The following DNAJB6 variants were observed in gnomAD, a reference collection of about 807,000 sequenced individuals.
The protein encoded by DNAJB6 is dnaJ homolog subfamily B member 6.
Under a neutral mutation model 42.7 loss-of-function variants are expected in DNAJB6, and 16 were observed. The ratio of observed to expected loss-of-function variants is 0.37; its 90% CI spans 0.25 to 0.57. The LOEUF (loss-of-function observed/expected upper bound fraction) is 0.57, where lower values mean the gene tolerates loss of function less well. Among genes scored for constraint, DNAJB6 ranks in the 20% least tolerant of loss-of-function variants. The pLI is 0.74. For missense variants in DNAJB6, 347 were observed against 416.8 expected (o/e 0.83, Z 1.46); for synonymous variants, 170 against 163.5 (o/e 1.04, Z -0.30).
In DNAJB6 at chr7:157,416,075, A is replaced by T. The variant is rs759872211; in HGVS notation, c.958A>T (p.Lys320Ter). 6.2e-7 allele frequency: 1 copy of T among 1,614,084 alleles called. No homozygotes were observed. The highest frequency in any genetic ancestry group is 8.5e-7 in the Non-Finnish European group (1 of 1,179,968). The change falls in exon 10 of 10, where the codon AAG becomes TAG. Residue 320 changes from lysine to a stop codon, truncating the protein, a stop_gained. Transcript: ENST00000262177. LOFTEE classifies it high-confidence loss of function. ...GCAGAGAGAGGAGTCGAAGAAGAAG[A>T]AGTCGACCAAAGGCAATCACTAGAC... Reference protein sequence around the residue: ...QKQREESKKKKSTKGNH With the variant: ...QKQREESKKK
At chr7:157,338,914 A>G (rs536206987) in intron 1 of DNAJB6, among the ~76,000 whole-genome samples, 2 of 152,290 alleles carry the variant, frequency 1.3e-5, no homozygotes, top group Admixed American at 6.5e-5. Context: ...GAAAGTTGGG[A>G]ATTCCAGAGG....
intron 8 of DNAJB6, among the ~76,000 whole-genome samples, chr7:157,388,282 G>T (rs1012414730): frequency 1.3e-5 from 2 of 152,208 alleles, no homozygotes; most frequent in Non-Finnish European, 2.9e-5. Flanking sequence ...TATTCCTAGA[G>T]AATTCAGTCT....
chr7:157,341,013 G>A (rs1006326632), intron 1 of DNAJB6, among the ~76,000 whole-genome samples: 1 of 90,716 alleles, frequency 1.1e-5, no homozygotes, highest in East Asian at 3.8e-4. Context: ...CGCGCAGGTG[G>A]AATCACCCTG....
chr7:157,345,269 C>G (rs1021875504), intron 1 of DNAJB6, among the ~76,000 whole-genome samples: 6 of 152,186 alleles, frequency 3.9e-5, no homozygotes, highest in African/African-American at 7.2e-5. Context: ...GCTGGGATTA[C>G]AGGCGTGAGC....
intron 8 of DNAJB6, among the ~76,000 whole-genome samples, chr7:157,395,248 G>A (rs1801529354): frequency 1.3e-5 from 2 of 152,234 alleles, no homozygotes; most frequent in African/African-American, 4.8e-5. Context: ...TTGGTGCTGG[G>A]CACATCTGGC....
At position 157,352,435 on chromosome 7, in the gene DNAJB6, A is replaced by T. The variant is rs181961246; in HGVS notation, c.-26-6112A>T. On this transcript the variant is annotated intron_variant, in intron 1 of 9. Transcript: ENST00000262177. ...TATTTAATCATGCAGTGTGTATTTG[A>T]TGGTGGATTACTCTCTGAATATTTA... Among the ~76,000 whole-genome samples the T allele has an allele frequency of 6.0e-3, 914 of 151,706 alleles. 9 individuals are homozygous for T. The highest frequency in any genetic ancestry group is 0.021 in the African/African-American group (873 of 41,306).
intron 8 of DNAJB6, among the ~76,000 whole-genome samples, chr7:157,403,542 C>A (rs185126004): frequency 6.8e-4 from 104 of 152,318 alleles, no homozygotes; most frequent in Middle Eastern, 3.4e-3. Flanking sequence ...TCTCAGCTCG[C>A]AGCAACCTTT....
chr7:157,339,904 G>A (rs1311212377), intron 1 of DNAJB6: 2 of 152,244 alleles, frequency 1.3e-5, no homozygotes, highest in African/African-American at 2.4e-5. Context: ...TGGATTACAG[G>A]TGTGAGCCCG....
intron 8 of DNAJB6, among the ~76,000 whole-genome samples, chr7:157,403,369 A>G (rs1046579247): frequency 1.3e-5 from 2 of 152,228 alleles, no homozygotes; most frequent in Non-Finnish European, 2.9e-5. Flanking sequence ...GTCCACTGAC[A>G]TTGCCAGGGT....
intron 5 of DNAJB6, chr7:157,369,497 A>G: frequency 2.2e-6 from 1 of 445,492 alleles, no homozygotes; most frequent in South Asian, 1.6e-5. Context: ...TGTCCTCGTG[A>G]TGTCTGAGAC....
At chr7:157,386,275 A>T (rs1310845582) in intron 8 of DNAJB6, 2 of 983,418 alleles carry the variant, frequency 2.0e-6, no homozygotes, top group African/African-American at 3.6e-5. Flanking sequence ...AAAAAAAAAA[A>T]GAAAATAAAT....
intron 5 of DNAJB6, among the ~76,000 whole-genome samples, chr7:157,376,873 C>A (rs1203992776): frequency 6.6e-6 from 1 of 152,184 alleles, no homozygotes; most frequent in African/African-American, 2.4e-5. Flanking sequence ...GAGCAAGACT[C>A]CGTCTTGGGA....
intron 1 of DNAJB6, among the ~76,000 whole-genome samples, chr7:157,352,530 C>G (rs535549234): frequency 6.3e-4 from 95 of 151,960 alleles, no homozygotes; most frequent in African/African-American, 2.3e-3. Flanking sequence ...TTTGACTATT[C>G]CTGCTGGCTC....
At chr7:157,343,020 C>G (rs1798492883) in intron 1 of DNAJB6, among the ~76,000 whole-genome samples, 1 of 149,178 alleles carries the variant, frequency 6.7e-6, no homozygotes, top group Non-Finnish European at 1.5e-5. Flanking sequence ...GAGACCAAGT[C>G]TCACTCTGTC....
chr7:157,358,453 A>G, intron 1 of DNAJB6, 94 bp from the exon 2 acceptor site: 1 of 762,574 alleles, frequency 1.3e-6, no homozygotes, highest in Non-Finnish European at 2.3e-6. Flanking sequence ...TGCTAAGGTG[A>G]CACCACCCCT....
chr7:157,379,057 GAAAT>G (rs1800618884), intron 5 of DNAJB6: 1 of 152,130 alleles, frequency 6.6e-6, no homozygotes, highest in African/African-American at 2.4e-5. Context: ...TGTCAGTAGA[GAAAT>G]AAACAAGATA....
At chr7:157,405,776 C>T (rs1004231027) in intron 8 of DNAJB6, among the ~76,000 whole-genome samples, 2 of 152,352 alleles carry the variant, frequency 1.3e-5, no homozygotes, top group East Asian at 3.9e-4. Context: ...GACCGGGAGG[C>T]CGAGTCCGAG....
intron 1 of DNAJB6, among the ~76,000 whole-genome samples, chr7:157,350,987 T>A (rs1255538204): frequency 6.6e-6 from 1 of 151,488 alleles, no homozygotes; most frequent in East Asian, 1.9e-4. Context: ...CAGGCTGGAG[T>A]GCGATGGTGC....
At chr7:157,355,887 T>A (rs140796916) in intron 1 of DNAJB6, among the ~76,000 whole-genome samples, 2 of 152,210 alleles carry the variant, frequency 1.3e-5, no homozygotes, top group African/African-American at 4.8e-5. Flanking sequence ...GGTGGTGAAG[T>A]AAATCACAGC....
Sources: allele counts gnomAD v4.1 joint callset (sites outside exome capture counted in the v4.1 genomes callset), GRCh38; gene constraint gnomAD v4.1.1; transcripts MANE v1.5; gene names NCBI Gene and HGNC (gene_info 2026-07-23, HGNC 2026-07-21).